The following KCNK10 variants were observed in gnomAD, a reference collection of about 807,000 sequenced individuals.
KCNK10 encodes the protein potassium two pore domain channel subfamily K member 10, also known as potassium channel subfamily K member 10.
In KCNK10, 25 loss-of-function variants were observed where a neutral mutation model predicts 47.7. The observed-to-expected ratio is 0.52, with a 90% confidence interval of 0.38 to 0.73. The LOEUF (loss-of-function observed/expected upper bound fraction) is 0.73. KCNK10 is among the 30% of genes least tolerant of loss of function. KCNK10 has a pLI of 0.00. For synonymous variants in KCNK10, 303 were observed against 285.6 expected, an observed-to-expected ratio of 1.06 and a Z score of -0.61; for missense variants, 563 against 714.5, an observed-to-expected ratio of 0.79 and a Z score of 2.42.
At chr14:88,255,909 G>A (rs992522905) in intron 2 of KCNK10, among the ~76,000 whole-genome samples, 12 of 152,198 alleles carry the variant, frequency 7.9e-5, no homozygotes, top group Non-Finnish European at 1.8e-4. Flanking sequence ...TCTTGCAAGA[G>A]TTAAATGAGC....
intron 1 of KCNK10, among the ~76,000 whole-genome samples, chr14:88,321,085 T>C (rs1393401324): frequency 1.1e-4 from 16 of 152,204 alleles, no homozygotes; most frequent in Admixed American, 1.0e-3. Context: ...ATTTACAGTA[T>C]AACAGCCTGG....
chr14:88,213,973 C>T lies in KCNK10; in HGVS notation c.681+13402G>A, dbSNP rs373121460. Among the ~76,000 whole-genome samples the T allele has an allele frequency of 2.5e-4, 35 of 138,956 alleles. 1 individual carries two copies. The East Asian group carries it at 3.8e-3, about 15-fold the overall frequency. The allele number at this position is 138,956 out of a possible 152,430, so 91.2% of individuals were successfully genotyped here. The stretch of plus-strand genomic sequence containing the variant: ...ATTATTATTGAGACAGAGTTTCACT[C>T]GTGTTGCCCAGGCTGGAGTGCAGTG... On this transcript the variant is annotated intron_variant, in intron 4 of 6. Transcript: ENST00000319231.
intron 6 of KCNK10, among the ~76,000 whole-genome samples, chr14:88,187,613 A>G (rs1884607962): frequency 8.8e-6 from 1 of 114,064 alleles, no homozygotes; most frequent in Non-Finnish European, 2.0e-5. Context: ...TGAGACCGGA[A>G]GGACAGGCTG....
chr14:88,258,948 G>T (rs1019969122), intron 2 of KCNK10, among the ~76,000 whole-genome samples: 1 of 152,136 alleles, frequency 6.6e-6, no homozygotes, highest in African/African-American at 2.4e-5. Flanking sequence ...TTCCAGCTTG[G>T]CTTTATGAGG....
At chr14:88,313,067 T>C (rs1363192081) in intron 1 of KCNK10, among the ~76,000 whole-genome samples, 32 of 152,218 alleles carry the variant, frequency 2.1e-4, no homozygotes, top group Non-Finnish European at 2.9e-5. Context: ...GTTCAGGCTT[T>C]AAATCAGACA....
chr14:88,204,799 GC>G (rs1376712027), intron 4 of KCNK10, among the ~76,000 whole-genome samples: 2 of 151,964 alleles, frequency 1.3e-5, no homozygotes, highest in African/African-American at 4.8e-5. Context: ...CTCCCATATA[GC>G]CCCCGCCCCA....
chr14:88,315,935 TC>T (rs1407597388), intron 1 of KCNK10, among the ~76,000 whole-genome samples: 1 of 152,078 alleles, frequency 6.6e-6, no homozygotes, highest in African/African-American at 2.4e-5. Flanking sequence ...AAGGAAAAGT[TC>T]CCTGTGATCA....
At chr14:88,318,838 G>T (rs1010648284) in intron 1 of KCNK10, among the ~76,000 whole-genome samples, 3 of 152,206 alleles carry the variant, frequency 2.0e-5, no homozygotes, top group Non-Finnish European at 4.4e-5. Context: ...TGCTACAGCT[G>T]CTTTTAGAAC....
intron 1 of KCNK10, among the ~76,000 whole-genome samples, chr14:88,283,786 C>T (rs1217188237): frequency 6.6e-6 from 1 of 151,922 alleles, no homozygotes; most frequent in African/African-American, 2.4e-5. Context: ...TGGTGGTGGG[C>T]ACCTGTAGTC....
intron 1 of KCNK10, among the ~76,000 whole-genome samples, chr14:88,291,575 C>A (rs1442244817): frequency 6.6e-6 from 1 of 152,138 alleles, no homozygotes; most frequent in Non-Finnish European, 1.5e-5. Context: ...CATCTGGAAC[C>A]CCAGCTGGGT....
intron 3 of KCNK10, among the ~76,000 whole-genome samples, chr14:88,233,229 A>G (rs962727833): frequency 1.3e-5 from 2 of 152,194 alleles, no homozygotes; most frequent in Non-Finnish European, 2.9e-5. Context: ...AGCTCAAATG[A>G]TGTAAACAAG....
At chr14:88,309,635 A>T (rs1034125605) in intron 1 of KCNK10, among the ~76,000 whole-genome samples, 1 of 152,140 alleles carries the variant, frequency 6.6e-6, no homozygotes, top group Non-Finnish European at 1.5e-5. Context: ...AAAATTAATA[A>T]AAGGCCCCAA....
chr14:88,207,925 G>C (rs992728980), intron 4 of KCNK10, among the ~76,000 whole-genome samples: 8 of 152,210 alleles, frequency 5.3e-5, no homozygotes, highest in African/African-American at 1.9e-4. Flanking sequence ...GAGACCAGGA[G>C]GAGGGTACAG....
Position 88,199,938 on chromosome 14 carries a change from G to A in KCNK10, c.682-7528C>T, listed in dbSNP as rs1287278082. ...TATTGCTGGATAAGCAGTAAACAAC[G>A]CCCTTCCCAATAGACAGTTTCTTTC... is the stretch of plus-strand genomic sequence containing the variant. On this transcript the variant is annotated intron_variant, in intron 4 of 6. Transcript: ENST00000319231. Among the ~76,000 whole-genome samples the A allele has an allele frequency of 3.9e-5, 6 of 152,076 alleles. No individual in the cohort carries two copies. In the East Asian group the frequency reaches 9.6e-4, roughly 24 times the overall value.
chr14:88,254,634 T>C (rs113580503), intron 2 of KCNK10, among the ~76,000 whole-genome samples: 2,425 of 152,320 alleles, frequency 0.016, 60 homozygotes, highest in African/African-American at 0.056. Context: ...GAATGTTTTA[T>C]GGCTTTCTCC....
chr14:88,266,578 AGTGGTGGTG>A (rs971446748), intron 1 of KCNK10, among the ~76,000 whole-genome samples: 4 of 152,078 alleles, frequency 2.6e-5, no homozygotes, highest in East Asian at 1.9e-4. Context: ...GTTGTTTTCC[AGTGGTGGTG>A]GTGGTGGTGG....
At chr14:88,193,538 C>G (rs1884817390) in intron 4 of KCNK10, among the ~76,000 whole-genome samples, 1 of 152,094 alleles carries the variant, frequency 6.6e-6, no homozygotes, top group African/African-American at 2.4e-5. Flanking sequence ...TGTTTAACAC[C>G]AGAATGTATG....
intron 1 of KCNK10, among the ~76,000 whole-genome samples, chr14:88,265,862 T>G (rs1210036999): frequency 6.6e-6 from 1 of 152,240 alleles, no homozygotes; most frequent in Non-Finnish European, 1.5e-5. Context: ...GATGTGACTT[T>G]GCTCCTCATT....
chr14:88,317,418 G>T (rs1888451529), intron 1 of KCNK10, among the ~76,000 whole-genome samples: 1 of 152,148 alleles, frequency 6.6e-6, no homozygotes, highest in African/African-American at 2.4e-5. Context: ...TGAAAGTGTA[G>T]ACCTGTACAA....
Sources: allele counts gnomAD v4.1 joint callset (sites outside exome capture counted in the v4.1 genomes callset), GRCh38; gene constraint gnomAD v4.1.1; transcripts MANE v1.5; gene names NCBI Gene and HGNC (gene_info 2026-07-23, HGNC 2026-07-21).